The following TENM3 variants were observed in gnomAD, a reference collection of about 807,000 sequenced individuals.
TENM3 encodes teneurin-3.
Under a neutral mutation model 255.1 loss-of-function variants are expected in TENM3, and 63 were observed. The ratio of observed to expected loss-of-function variants is 0.25; its 90% confidence interval spans 0.20 to 0.30. The LOEUF (loss-of-function observed/expected upper bound fraction) is 0.30, where lower values mean the gene tolerates loss of function less well. TENM3 is among the 10% of genes least tolerant of loss of function. The probability of loss-of-function intolerance (pLI) is 1.00; values close to 1 mark genes in which losing one functional copy is unlikely to be tolerated. For synonymous variants in TENM3, 1,306 were observed against 1,322.3 expected (o/e 0.99, Z 0.27); for missense variants, 2,929 against 3,461.1 (o/e 0.85, Z 3.86).
chr4:181,575,233 C>T, the TENM3 span, among the ~76,000 whole-genome samples: 19 of 152,072 alleles, frequency 1.2e-4, no homozygotes, highest in African/African-American at 3.9e-4. Context: ...AGAAGCTCTA[C>T]ATCTCCACTA....
At chr4:181,559,681 C>A in the TENM3 span, among the ~76,000 whole-genome samples, 1 of 152,234 alleles carries the variant, frequency 6.6e-6, no homozygotes, top group Non-Finnish European at 1.5e-5. Context: ...TTATGACTAT[C>A]GAGTATTGAT....
chr4:181,806,142 C>A, the TENM3 span, among the ~76,000 whole-genome samples: 3 of 152,194 alleles, frequency 2.0e-5, no homozygotes, highest in Non-Finnish European at 4.4e-5. Context: ...AATACGTGGT[C>A]CGTAGTACTT....
At chr4:182,263,040 C>T (rs149542070) in intron 1 of TENM3, among the ~76,000 whole-genome samples, 32 of 152,154 alleles carry the variant, frequency 2.1e-4, no homozygotes, top group African/African-American at 7.0e-4. Context: ...CTTTCTTGCG[C>T]GAGATCCAGG....
chr4:182,629,627 T>C (rs1369950010), intron 5 of TENM3, among the ~76,000 whole-genome samples: 1 of 152,188 alleles, frequency 6.6e-6, no homozygotes, highest in Non-Finnish European at 1.5e-5. Context: ...GGAAAAGGCC[T>C]ACCACATTGA....
the TENM3 span, among the ~76,000 whole-genome samples, chr4:181,765,961 G>C: frequency 6.6e-6 from 1 of 152,192 alleles, no homozygotes; most frequent in South Asian, 2.1e-4. Context: ...GAAGAGGACA[G>C]GAAGTCAAAA....
intron 3 of TENM3, among the ~76,000 whole-genome samples, chr4:182,487,692 A>G (rs1734891432): frequency 6.6e-6 from 1 of 152,184 alleles, no homozygotes; most frequent in Non-Finnish European, 1.5e-5. Context: ...AAAATGTAAA[A>G]TATGATTTTT....
chr4:181,681,757 TC>T, the TENM3 span, among the ~76,000 whole-genome samples: 48,430 of 151,856 alleles, frequency 0.32, 8,426 homozygotes, highest in African/African-American at 0.46. Context: ...TATTTTTTTT[TC>T]CCCAGTAGGG....
intron 3 of TENM3, among the ~76,000 whole-genome samples, chr4:182,368,789 T>C (rs1766598166): frequency 6.6e-6 from 1 of 152,186 alleles, no homozygotes; most frequent in South Asian, 2.1e-4. Flanking sequence ...AGATTGCAAG[T>C]AGCTTGTACG....
At chr4:182,794,159 G>T (rs1766318680) in intron 26 of TENM3, among the ~76,000 whole-genome samples, 1 of 152,040 alleles carries the variant, frequency 6.6e-6, no homozygotes, top group Non-Finnish European at 1.5e-5. Flanking sequence ...GGAACATGGG[G>T]GACCAAAAAA....
At chr4:181,720,404 G>GT in the TENM3 span, among the ~76,000 whole-genome samples, 1 of 152,100 alleles carries the variant, frequency 6.6e-6, no homozygotes, top group Non-Finnish European at 1.5e-5. Context: ...ATTTTGATGT[G>GT]TAAGAGTATT....
At chr4:181,602,687 T>C in the TENM3 span, among the ~76,000 whole-genome samples, 34 of 152,286 alleles carry the variant, frequency 2.2e-4, no homozygotes, top group South Asian at 6.2e-4. Flanking sequence ...CTTTGTATGG[T>C]ACATCTAAAA....
At chr4:181,842,785 G>A in the TENM3 span, among the ~76,000 whole-genome samples, 1 of 152,044 alleles carries the variant, frequency 6.6e-6, no homozygotes, top group African/African-American at 2.4e-5. Context: ...TGATATTATT[G>A]ATCACTAAAG....
At chr4:181,647,321 TTATC>T in the TENM3 span, among the ~76,000 whole-genome samples, 1 of 152,196 alleles carries the variant, frequency 6.6e-6, no homozygotes, top group Admixed American at 6.5e-5. Context: ...GAATTCCAAA[TTATC>T]TATAAAGCTC....
intron 1 of TENM3, among the ~76,000 whole-genome samples, chr4:182,281,081 T>C (rs1346243228): frequency 6.6e-6 from 1 of 152,120 alleles, no homozygotes; most frequent in African/African-American, 2.4e-5. Context: ...AGTAAAAAAC[T>C]CATTGAGTAA....
chr4:182,205,835 A>C (rs1191460837), intron 1 of TENM3, among the ~76,000 whole-genome samples: 2 of 152,310 alleles, frequency 1.3e-5, no homozygotes, highest in East Asian at 3.9e-4. Context: ...ACATCTGATG[A>C]GGAAGCTGCC....
chr4:182,082,764 G>C, the TENM3 span, among the ~76,000 whole-genome samples: 1 of 152,144 alleles, frequency 6.6e-6, no homozygotes, highest in African/African-American at 2.4e-5. Context: ...AGGTATCTAC[G>C]AGCCTAGTGT....
chr4:182,795,173 C>G (rs1292608117), intron 26 of TENM3, among the ~76,000 whole-genome samples: 1 of 152,166 alleles, frequency 6.6e-6, no homozygotes, highest in African/African-American at 2.4e-5. Flanking sequence ...TGTGAACCAG[C>G]TGAAAGTCCC....
the TENM3 span, among the ~76,000 whole-genome samples, chr4:181,726,213 A>G: frequency 8.5e-5 from 13 of 152,224 alleles, no homozygotes; most frequent in Non-Finnish European, 1.8e-4. Context: ...CAAAAATAAA[A>G]CGCACATAAT....
chr4:182,116,562 C>G, the TENM3 span, among the ~76,000 whole-genome samples: 2 of 152,110 alleles, frequency 1.3e-5, no homozygotes, highest in Non-Finnish European at 2.9e-5. Flanking sequence ...TGTCCTGCTG[C>G]CCTGTGAAGA....
Sources: allele counts gnomAD v4.1 joint callset (sites outside exome capture counted in the v4.1 genomes callset), GRCh38; gene constraint gnomAD v4.1.1; transcripts MANE v1.5; gene names NCBI Gene and HGNC (gene_info 2026-07-23, HGNC 2026-07-21).